Variants in PIR observed in about 807,000 individuals in gnomAD.
The protein encoded by PIR is pirin (iron-binding nuclear protein).
PIR carries 22 observed loss-of-function variants against 24.2 expected under a neutral mutation model. The observed-to-expected ratio is 0.91, with a 90% CI of 0.65 to 1.30. The LOEUF is 1.30. PIR is among the 50% of genes most tolerant of loss of function. PIR has a pLI of 0.00. For missense variants in PIR, 220 were observed against 220.3 expected (o/e 1.00, Z 0.01); for synonymous variants, 80 against 79.6 (o/e 1.00, Z -0.03).
chrX:15,455,985 G>T lies in PIR; in HGVS notation c.343C>A (p.Gln115Lys), dbSNP rs752062795. The change falls in exon 5 of 10, where the codon CAA becomes AAA. Residue 115 changes from glutamine to lysine, a missense_variant. Transcript: ENST00000380420. ...PCSEEPAHGLQLWVNLRSSEK... is the reference protein window; with the variant it reads ...PCSEEPAHGLKLWVNLRSSEK... ...GAGCTCCTCAAATTAACCCACAGTT[G>T]TAGGCCATGGGCTGGCTCCTCTGAG... 17 of 1,209,529 alleles carry T rather than the reference G, an allele frequency of 1.4e-5. 1 individual carries two copies. In the South Asian group the frequency reaches 2.8e-4, roughly 20 times the overall value.
chrX:15,396,794 G>C lies in PIR; in HGVS notation c.693+655C>G, dbSNP rs185059846. Reference sequence around the variant, plus strand: ...TCTCACTGTGTTGCCCAGCTGGAGTGCAGTGGCGCAATCTCGGCTCACTGC... The same window carrying C: ...TCTCACTGTGTTGCCCAGCTGGAGTCCAGTGGCGCAATCTCGGCTCACTGC... On this transcript the variant is annotated intron_variant, in intron 8 of 9. Transcript: ENST00000380420. 5.8e-3 allele frequency among the ~76,000 whole-genome samples: 622 copies of C among 107,741 alleles called. 19 individuals carry two copies. The East Asian group carries it at 0.093, about 16-fold the overall frequency. The allele number at this position is 107,741 out of a possible 115,157, so 93.6% of individuals were successfully genotyped here. A position where few individuals can be genotyped will look rare whatever the true frequency, so the allele number is the denominator to read the frequency against.
At chrX:15,415,743 C>T (rs770119629) in intron 6 of PIR, among the ~76,000 whole-genome samples, 26 of 111,067 alleles carry the variant, frequency 2.3e-4, no homozygotes, top group East Asian at 1.7e-3. Context: ...AAGATAAATA[C>T]GTACAATTTT....
At chrX:15,459,844 G>T in intron 3 of PIR, 104 bp from the exon 4 acceptor site, 1 of 430,529 alleles carries the variant, frequency 2.3e-6, no homozygotes, top group Non-Finnish European at 4.2e-6. Flanking sequence ...TGTATATTTT[G>T]GAACTTAATC....
At chrX:15,387,389 G>A (rs186647960) in intron 9 of PIR, among the ~76,000 whole-genome samples, 4 of 109,806 alleles carry the variant, frequency 3.6e-5, no homozygotes, top group South Asian at 3.9e-4. Context: ...GAGCCACCGC[G>A]CCCGGCCCAG....
At chrX:15,410,763 T>C (rs1376145818) in intron 6 of PIR, among the ~76,000 whole-genome samples, 1 of 112,378 alleles carries the variant, frequency 8.9e-6, no homozygotes, top group Admixed American at 9.4e-5. Flanking sequence ...ATAACACAAC[T>C]CATGTTGCTG....
intron 6 of PIR, among the ~76,000 whole-genome samples, chrX:15,420,210 C>T (rs1383534266): frequency 9.9e-5 from 11 of 111,617 alleles, no homozygotes; most frequent in African/African-American, 2.6e-4. Flanking sequence ...ACAACAACAA[C>T]GACAACAACA....
intron 2 of PIR, among the ~76,000 whole-genome samples, chrX:15,488,249 G>C (rs1922948054): frequency 1.1e-5 from 1 of 90,835 alleles, no homozygotes; most frequent in East Asian, 3.4e-4. Flanking sequence ...TTGCACTCCA[G>C]CCTGGGCAAC....
chrX:15,413,373 A>G (rs1354559734), intron 6 of PIR, among the ~76,000 whole-genome samples: 1 of 111,367 alleles, frequency 9.0e-6, no homozygotes, highest in Non-Finnish European at 1.9e-5. Flanking sequence ...ATCATTTCCC[A>G]AAAGAAGTCT....
chrX:15,403,996 T>A (rs1924475175), intron 7 of PIR, among the ~76,000 whole-genome samples: 1 of 21,892 alleles, frequency 4.6e-5, no homozygotes, highest in African/African-American at 1.1e-4. Flanking sequence ...GCATTTTCTT[T>A]TTTTTTTTTT....
chrX:15,434,244 G>A (rs1337379320), intron 5 of PIR, among the ~76,000 whole-genome samples: 2 of 102,758 alleles, frequency 1.9e-5, no homozygotes, highest in Non-Finnish European at 4.0e-5. Context: ...AGAAGGAGGA[G>A]GAAGGAGAAA....
At chrX:15,427,804 T>C (rs1925367908) in intron 5 of PIR, among the ~76,000 whole-genome samples, 1 of 110,025 alleles carries the variant, frequency 9.1e-6, no homozygotes, top group Non-Finnish European at 1.9e-5. Context: ...TATACATATA[T>C]ACATACATAT....
intron 7 of PIR, among the ~76,000 whole-genome samples, chrX:15,401,238 G>A (rs1443725202): frequency 9.4e-6 from 1 of 106,870 alleles, no homozygotes; most frequent in East Asian, 2.9e-4. Context: ...ATTTTTTTTG[G>A]TAGAGGCAGG....
At position 15,456,024 on chromosome X, in the gene PIR, C is replaced by T. The variant is rs562829699; in HGVS notation, c.304G>A (p.Ala102Thr). The change falls in exon 5 of 10, where the codon GCT becomes ACT. Residue 102 changes from alanine (A) to threonine (T), a missense_variant. Ala to Thr is a moderately conservative substitution (Grantham distance 58, BLOSUM62 0). Coordinates refer to ENST00000380420, the MANE Select transcript of PIR (RefSeq NM_001018109.3). Reference sequence around the variant, plus strand: ...GGCTCCTCTGAGCAAGGCATCTCAGCGTGCAGAATGCCCCGGCCCGCAGTC... The same window carrying T: ...GGCTCCTCTGAGCAAGGCATCTCAGTGTGCAGAATGCCCCGGCCCGCAGTC... ...WMTAGRGILHAEMPCSEEPAH... is the reference protein window; with the variant it reads ...WMTAGRGILHTEMPCSEEPAH... 10 of 1,211,043 alleles carry T rather than the reference C, an allele frequency of 8.3e-6. No homozygotes were observed. The East Asian group carries it at 1.2e-4, about 14-fold the overall frequency.
intron 3 of PIR, among the ~76,000 whole-genome samples, chrX:15,468,329 A>G (rs1044044692): frequency 3.0e-4 from 34 of 112,401 alleles, no homozygotes; most frequent in African/African-American, 8.4e-4. Context: ...CCATCTAGTC[A>G]TTAAGGGATC....
At position 15,385,719 on chromosome X, in the gene PIR, C is replaced by A. The variant is rs181893843; in HGVS notation, c.761-603G>T. Reference sequence around the variant, plus strand: ...AGTATGTATTTTAGATTTTGTGGGTCAAACAGTGTCTGTCTCAACTACTCA... The same window carrying A: ...AGTATGTATTTTAGATTTTGTGGGTAAAACAGTGTCTGTCTCAACTACTCA... On this transcript the variant is annotated intron_variant, in intron 9 of 9. Transcript: ENST00000380420. 3.6e-5 allele frequency among the ~76,000 whole-genome samples: 4 copies of A among 112,157 alleles called. No homozygotes were observed. In the East Asian group the frequency reaches 1.1e-3, roughly 31 times the overall value.
At chrX:15,388,882 G>A (rs976757094) in intron 9 of PIR, among the ~76,000 whole-genome samples, 31 of 112,003 alleles carry the variant, frequency 2.8e-4, no homozygotes, top group Non-Finnish European at 5.3e-4. Context: ...AAAACAAAAT[G>A]CTTTGCTTCT....
intron 5 of PIR, 148 bp downstream of exon 5, chrX:15,455,700 T>C: frequency 2.1e-6 from 1 of 487,701 alleles, no homozygotes; most frequent in Non-Finnish European, 3.5e-6. Flanking sequence ...TGAGTTTTCT[T>C]AGGTTGCACT....
At chrX:15,410,125 C>T (rs1423586975) in intron 6 of PIR, among the ~76,000 whole-genome samples, 5 of 110,446 alleles carry the variant, frequency 4.5e-5, no homozygotes, top group African/African-American at 1.6e-4. Context: ...GTGGCACGTG[C>T]CTGTAATCCC....
At chrX:15,464,369 A>AATTTT (rs1921449381) in intron 3 of PIR, 1 of 741,673 alleles carries the variant, frequency 1.3e-6, no homozygotes, top group Non-Finnish European at 1.6e-6. Context: ...ATACAATGGA[A>AATTTT]ACAACTTTTT....
Sources: gnomAD v4.1 joint callset for allele counts (sites outside exome capture counted in the v4.1 genomes callset) on GRCh38, gnomAD v4.1.1 for gene constraint, MANE v1.5 for transcripts, NCBI Gene and HGNC (gene_info 2026-07-23, HGNC 2026-07-21) for gene names.